Variants in TAOK3 observed in about 807,000 individuals in gnomAD.
TAOK3 encodes the protein serine/threonine-protein kinase TAO3.
In TAOK3, 40 loss-of-function variants were observed where a neutral mutation model predicts 120.4. The ratio of observed to expected loss-of-function variants is 0.33; its 90% CI spans 0.26 to 0.43. The LOEUF (loss-of-function observed/expected upper bound fraction) is 0.43. Among genes scored for constraint, TAOK3 ranks in the 20% least tolerant of loss-of-function variants. The probability of loss-of-function intolerance (pLI) is 1.00; values close to 1 mark genes in which losing one functional copy is unlikely to be tolerated. For synonymous variants in TAOK3, 355 were observed against 387.5 expected, an observed-to-expected ratio of 0.92 and a Z score of 0.99; for missense variants, 821 against 1,112.1, an observed-to-expected ratio of 0.74 and a Z score of 3.72.
chr12:118,270,452 A>C (rs2041648973), intron 1 of TAOK3, among the ~76,000 whole-genome samples: 1 of 152,180 alleles, frequency 6.6e-6, no homozygotes, highest in Non-Finnish European at 1.5e-5. Flanking sequence ...TAACAATAAT[A>C]ATAATAATAA....
At chr12:118,183,895 C>T (rs2036918223) in intron 14 of TAOK3, among the ~76,000 whole-genome samples, 1 of 152,164 alleles carries the variant, frequency 6.6e-6, no homozygotes. Context: ...GGCTTACAGC[C>T]AATAAAATAT....
At chr12:118,362,711 T>C (rs1432447475) in intron 1 of TAOK3, among the ~76,000 whole-genome samples, 3 of 152,140 alleles carry the variant, frequency 2.0e-5, no homozygotes, top group Admixed American at 6.6e-5. Flanking sequence ...CAATTGTTGC[T>C]AATAGCTAGA....
At chr12:118,169,689 C>G (rs1247233626) in intron 17 of TAOK3, among the ~76,000 whole-genome samples, 1 of 151,964 alleles carries the variant, frequency 6.6e-6, no homozygotes, top group African/African-American at 2.4e-5. Flanking sequence ...AGTGTTAAGC[C>G]CTAGAAATAA....
chr12:118,175,512 G>A (rs1014743717), intron 16 of TAOK3, among the ~76,000 whole-genome samples: 6 of 152,050 alleles, frequency 3.9e-5, no homozygotes, highest in Admixed American at 6.6e-5. Flanking sequence ...CTGTAATCTC[G>A]GCTACTTGGG....
chr12:118,177,147 A>T, intron 16 of TAOK3, 54 bp downstream of exon 16: 1 of 1,567,454 alleles, frequency 6.4e-7, no homozygotes, highest in Non-Finnish European at 8.7e-7. Context: ...AGTGAATGTT[A>T]AGTTCCAACC....
chr12:118,248,128 G>A (rs1339091822), intron 3 of TAOK3, among the ~76,000 whole-genome samples: 2 of 150,582 alleles, frequency 1.3e-5, no homozygotes, highest in African/African-American at 4.9e-5. Flanking sequence ...TTTTAAAAAC[G>A]GTTAATTCAA....
At chr12:118,299,588 C>A (rs879847925) in intron 1 of TAOK3, among the ~76,000 whole-genome samples, 4 of 152,162 alleles carry the variant, frequency 2.6e-5, no homozygotes, top group Admixed American at 2.0e-4. Flanking sequence ...CGGCTCACTG[C>A]AACCTCTGCC....
At position 118,325,025 on chromosome 12, in the gene TAOK3, C is replaced by T. The variant is rs540598322; in HGVS notation, c.-194+47623G>A. On this transcript the variant is annotated intron_variant, in intron 1 of 20. Transcript: ENST00000392533. Reference sequence around the variant, plus strand: ...CCTCCCAAAGTGCTGGGATTACAGGCGTGAGCCACCGCGCCCGGCCCTAGA... The same window carrying T: ...CCTCCCAAAGTGCTGGGATTACAGGTGTGAGCCACCGCGCCCGGCCCTAGA... Among the ~76,000 whole-genome samples, 4 of 152,206 alleles carry T rather than the reference C, an allele frequency of 2.6e-5. No individual in the cohort carries two copies. The South Asian group carries it at 6.2e-4, about 24-fold the overall frequency.
At chr12:118,178,879 C>G (rs1042833008) in intron 15 of TAOK3, among the ~76,000 whole-genome samples, 1 of 152,200 alleles carries the variant, frequency 6.6e-6, no homozygotes, top group Non-Finnish European at 1.5e-5. Context: ...GTGACCAAAT[C>G]TGTTTCTGGT....
chr12:118,320,437 A>T (rs1382437289), intron 1 of TAOK3, among the ~76,000 whole-genome samples: 1 of 152,164 alleles, frequency 6.6e-6, no homozygotes, highest in Non-Finnish European at 1.5e-5. Context: ...TAAAAAAAAA[A>T]AGTATATAAT....
At chr12:118,370,105 C>T (rs1227651433) in intron 1 of TAOK3, among the ~76,000 whole-genome samples, 1 of 149,442 alleles carries the variant, frequency 6.7e-6, no homozygotes, top group Non-Finnish European at 1.5e-5. Flanking sequence ...CATCTCCTGA[C>T]CTTGTGATCC....
intron 1 of TAOK3, among the ~76,000 whole-genome samples, chr12:118,339,154 AT>A (rs2044496386): frequency 6.6e-6 from 1 of 151,948 alleles, no homozygotes; most frequent in Non-Finnish European, 1.5e-5. Flanking sequence ...TGATAATCAG[AT>A]TTGTCACTTA....
intron 1 of TAOK3, among the ~76,000 whole-genome samples, chr12:118,297,567 C>T (rs957107078): frequency 1.3e-5 from 2 of 152,202 alleles, no homozygotes; most frequent in African/African-American, 4.8e-5. Context: ...CTGTTTTCAT[C>T]ATAGCACCTG....
intron 1 of TAOK3, among the ~76,000 whole-genome samples, chr12:118,357,046 G>A (rs1404285335): frequency 6.6e-6 from 1 of 152,204 alleles, no homozygotes; most frequent in Non-Finnish European, 1.5e-5. Context: ...ACTCCTACCA[G>A]TGAAACTAAC....
intron 1 of TAOK3, among the ~76,000 whole-genome samples, chr12:118,317,807 TAA>T (rs1385552334): frequency 6.6e-6 from 1 of 151,616 alleles, no homozygotes; most frequent in East Asian, 1.9e-4. Flanking sequence ...AAAAATAATC[TAA>T]AAAAGACAAA....
At chr12:118,273,123 C>T (rs1334761918) in intron 1 of TAOK3, among the ~76,000 whole-genome samples, 1 of 152,144 alleles carries the variant, frequency 6.6e-6, no homozygotes, top group African/African-American at 2.4e-5. Context: ...TACTATTCCT[C>T]CCAAGGATCT....
At chr12:118,298,908 T>G (rs2042776357) in intron 1 of TAOK3, among the ~76,000 whole-genome samples, 1 of 152,240 alleles carries the variant, frequency 6.6e-6, no homozygotes. Context: ...AGATGCGCTT[T>G]GTTGTTCTGA....
At chr12:118,152,987 T>C (rs2138197713) in intron 19 of TAOK3, among the ~76,000 whole-genome samples, 1 of 152,372 alleles carries the variant, frequency 6.6e-6, no homozygotes, top group East Asian at 1.9e-4. Flanking sequence ...TCTAAAAAAT[T>C]GATTCCAATT....
intron 19 of TAOK3, among the ~76,000 whole-genome samples, chr12:118,159,360 G>T (rs2035063561): frequency 6.7e-6 from 1 of 150,262 alleles, no homozygotes; most frequent in Non-Finnish European, 1.5e-5. Flanking sequence ...ACCCAGGCTG[G>T]AGTGCAGTGA....
Sources: gnomAD v4.1 joint callset for allele counts (sites outside exome capture counted in the v4.1 genomes callset) on GRCh38, gnomAD v4.1.1 for gene constraint, MANE v1.5 for transcripts, NCBI Gene and HGNC (gene_info 2026-07-23, HGNC 2026-07-21) for gene names.